The following CD96 variants were observed in gnomAD, a reference collection of about 807,000 sequenced individuals.
The protein encoded by CD96 is T-cell surface protein tactile.
Under a neutral mutation model 71.3 loss-of-function variants are expected in CD96, and 70 were observed. The ratio of observed to expected loss-of-function variants is 0.98; its 90% CI spans 0.81 to 1.20. The LOEUF is 1.20. CD96 is among the 50% of genes most tolerant of loss of function. The probability of loss-of-function intolerance (pLI) is 0.00; values close to 1 mark genes in which losing one functional copy is unlikely to be tolerated. For synonymous variants in CD96, 248 were observed against 233.0 expected (o/e 1.06, Z -0.59); for missense variants, 742 against 677.5 (o/e 1.10, Z -1.06).
intron 2 of CD96, among the ~76,000 whole-genome samples, chr3:111,565,053 G>A (rs1046887920): frequency 6.6e-6 from 1 of 151,998 alleles, no homozygotes; most frequent in Admixed American, 6.6e-5. Context: ...TATTTTTCTT[G>A]AAGACACTGG....
At chr3:111,571,101 C>T (rs1935963119) in intron 3 of CD96, 1 of 764,120 alleles carries the variant, frequency 1.3e-6, no homozygotes, top group Admixed American at 2.0e-5. Flanking sequence ...ACCCGGGCAT[C>T]CCTCTGAATC....
rs1940019260 is a variant in CD96, at chr3:111,650,315, A to AC, written c.*509_*510insC. ...AAGTATGGTTAGTCTTCATATTGAA[A>AC]TTCTGTTGCTTATTTTCATGGAAGG... On this transcript the variant is annotated 3_prime_UTR_variant, in exon 14 of 14. Transcript: ENST00000352690. 1 of 172,910 alleles carries AC rather than the reference A, an allele frequency of 5.8e-6. No individual in the cohort carries two copies. The allele number at this position is 172,910 out of a possible 1,614,324, so 10.7% of individuals were successfully genotyped here.
intron 2 of CD96, among the ~76,000 whole-genome samples, chr3:111,556,203 CTTCT>C (rs1387196022): frequency 1.3e-5 from 2 of 150,142 alleles, no homozygotes; most frequent in African/African-American, 5.0e-5. Context: ...CTAATAACAA[CTTCT>C]TTTTTTTTTA....
Position 111,637,254 on chromosome 3 carries a change from A to G in CD96, c.1380A>G (p.Thr460=), listed in dbSNP as rs747397373. Residue 460 remains threonine, a synonymous_variant, in exon 11 of 14, where the codon ACA becomes ACG. Transcript: ENST00000352690. The stretch of plus-strand genomic sequence containing the variant: ...CATCCCCGTCAGGTGCAGGCTCAAC[A>G]CTTCATGGTGAGTACTTGGGGAAGA... ...YSSSPSGAGS[T]LHDNVFTSTA... 2 of 1,551,748 alleles carry G rather than the reference A, an allele frequency of 1.3e-6. No homozygotes were observed. The highest frequency in any genetic ancestry group is 1.7e-5 in the Admixed American group (1 of 59,914).
chr3:111,543,844 A>T (rs1934238732), intron 1 of CD96, among the ~76,000 whole-genome samples: 1 of 152,164 alleles, frequency 6.6e-6, no homozygotes, highest in Admixed American at 6.5e-5. Context: ...GTTTTCTCAG[A>T]ATTGTCACGG....
intron 12 of CD96, among the ~76,000 whole-genome samples, chr3:111,640,980 G>T (rs972912960): frequency 1.3e-5 from 2 of 152,172 alleles, no homozygotes; most frequent in Non-Finnish European, 2.9e-5. Flanking sequence ...ACTGCTAAAA[G>T]GAGCTCTAAA....
intron 14 of CD96, among the ~76,000 whole-genome samples, chr3:111,658,382 C>G (rs1196091334): frequency 6.6e-6 from 1 of 152,130 alleles, no homozygotes; most frequent in Non-Finnish European, 1.5e-5. Context: ...AAGGAGGGCT[C>G]TCACCTATAG....
At chr3:111,544,870 A>G (rs1934305212) in intron 1 of CD96, among the ~76,000 whole-genome samples, 176 bp from the exon 2 acceptor site, 1 of 152,214 alleles carries the variant, frequency 6.6e-6, no homozygotes, top group Non-Finnish European at 1.5e-5. Flanking sequence ...CTCCTCATTT[A>G]TATTGTCTCA....
downstream of CD96, among the ~76,000 whole-genome samples, chr3:111,656,384 ATGCACACTC>A (rs1940229565): frequency 6.6e-6 from 1 of 152,222 alleles, no homozygotes; most frequent in African/African-American, 2.4e-5. Context: ...TGGGGAAAAC[ATGCACACTC>A]ATATACTGCT....
intron 8 of CD96, among the ~76,000 whole-genome samples, chr3:111,607,786 A>G (rs1331492810): frequency 1.3e-5 from 2 of 152,152 alleles, no homozygotes; most frequent in Non-Finnish European, 2.9e-5. Context: ...AAAGTTTCAT[A>G]TCCATCTGAT....
At chr3:111,641,400 A>C (rs1359450761) in intron 12 of CD96, among the ~76,000 whole-genome samples, 1 of 152,256 alleles carries the variant, frequency 6.6e-6, no homozygotes, top group Non-Finnish European at 1.5e-5. Context: ...AAAAAGACAA[A>C]GAGGACAGTA....
intron 3 of CD96, chr3:111,570,764 A>G: frequency 6.2e-7 from 1 of 1,613,428 alleles, no homozygotes; most frequent in East Asian, 2.2e-5. Context: ...CCCCCTCCTC[A>G]TCCTCTAGAT....
intron 12 of CD96, among the ~76,000 whole-genome samples, chr3:111,643,735 CAAA>C (rs56078551): frequency 1.7e-4 from 22 of 128,224 alleles, no homozygotes; most frequent in African/African-American, 6.2e-4. Flanking sequence ...ACAATAGCTG[CAAA>C]AAAAAAAAAA....
intron 2 of CD96, among the ~76,000 whole-genome samples, chr3:111,554,040 T>G (rs945707061): frequency 6.6e-6 from 1 of 152,062 alleles, no homozygotes. Flanking sequence ...AAAAGTTTTC[T>G]TCATTTCCAA....
At chr3:111,593,652 C>T in intron 5 of CD96, 5 of 1,607,002 alleles carry the variant, frequency 3.1e-6, no homozygotes, top group Non-Finnish European at 4.3e-6. Flanking sequence ...GCCCTTTCCA[C>T]CTCCTCCAGG....
intron 8 of CD96, among the ~76,000 whole-genome samples, chr3:111,621,462 AT>A (rs890119728): frequency 6.6e-6 from 1 of 152,164 alleles, no homozygotes; most frequent in African/African-American, 2.4e-5. Flanking sequence ...TAATTTATTT[AT>A]TTTCTTCTAT....
At chr3:111,551,530 T>C (rs758288666) in intron 2 of CD96, among the ~76,000 whole-genome samples, 10 of 152,166 alleles carry the variant, frequency 6.6e-5, no homozygotes, top group Non-Finnish European at 1.3e-4. Context: ...TTATTGTCAT[T>C]GTAACAGTAT....
intron 5 of CD96, among the ~76,000 whole-genome samples, chr3:111,586,786 C>A (rs1480560106): frequency 6.6e-6 from 1 of 152,152 alleles, no homozygotes; most frequent in African/African-American, 2.4e-5. Flanking sequence ...CCCACCAGGT[C>A]CCTCCCACAA....
chr3:111,638,133 A>G lies in CD96; in HGVS notation c.1442A>G (p.Asn481Ser). The G allele has an allele frequency of 3.1e-6, 5 of 1,611,042 alleles. No homozygotes were observed. The highest frequency in any genetic ancestry group is 4.2e-6 in the Non-Finnish European group (5 of 1,177,222). Residue 481 changes from asparagine to serine, a missense_variant, in exon 12 of 14, where the codon AAT becomes AGT. By Grantham distance (46) the Asn-to-Ser change is conservative. Coordinates refer to ENST00000352690, the MANE Select transcript of CD96 (RefSeq NM_005816.5). ...RAFSEVPTTA[N>S]GSTKTNHVHI... ...TTTTCAGAAGTCCCCACAACTGCCA[A>G]TGGATCTACGAAAACTAATCACGTC...
Sources: allele counts gnomAD v4.1 joint callset (sites outside exome capture counted in the v4.1 genomes callset), GRCh38; gene constraint gnomAD v4.1.1; transcripts MANE v1.5; gene names NCBI Gene and HGNC (gene_info 2026-07-23, HGNC 2026-07-21).